MEGF8: variants seen among roughly 807,000 people sequenced by gnomAD.
MEGF8 encodes the protein multiple EGF like domains 8.
A neutral mutation model predicts 302.9 loss-of-function variants in MEGF8; 156 were observed. The ratio of observed to expected loss-of-function variants is 0.52; its 90% CI spans 0.45 to 0.59. MEGF8 has a LOEUF of 0.59. Among genes scored for constraint, MEGF8 ranks in the 20% least tolerant of loss-of-function variants. The pLI, the probability that MEGF8 is intolerant of heterozygous loss-of-function variation, is 0.00. For synonymous variants in MEGF8, 1,621 were observed against 1,660.5 expected, an observed-to-expected ratio of 0.98 and a Z score of 0.58; for missense variants, 3,345 against 3,964.5, an observed-to-expected ratio of 0.84 and a Z score of 4.20.
rs772693677 is a variant in MEGF8 at position 42,376,392 on chromosome 19, G to A, written c.8155G>A (p.Gly2719Arg). ...TAPASAWKPA[G>R]LPPPAFRRSE... ...CCCGGCCTCCGCCTGGAAGCCGGCT[G>A]GGCTCCCACCTCCCGCCTTCCGCCG... The change falls in exon 42 of 42, where the codon GGG becomes AGG. Residue 2719 changes from glycine to arginine, a missense_variant. Coordinates refer to ENST00000251268, the MANE Select transcript of MEGF8 (RefSeq NM_001271938.2). The surrounding 1 kb of genome is among the most constrained non-coding windows in gnomAD (Gnocchi z 8.2). 1.9e-6 allele frequency: 3 copies of A among 1,613,014 alleles called. No homozygotes were observed. Among genetic ancestry groups the A allele is most frequent in the Admixed American group, 3.3e-5 (2 of 60,012 alleles).
Position 42,376,340 on chromosome 19 carries a change from C to G in MEGF8, c.8103C>G (p.Thr2701=), listed in dbSNP as rs772567355. The change falls in exon 42 of 42, where the codon ACC becomes ACG. Residue 2701 remains threonine, a synonymous_variant. Transcript: ENST00000251268. The surrounding 1 kb of genome is among the most constrained non-coding windows in gnomAD (Gnocchi z 8.2). Reference sequence around the variant, plus strand: ...CCAGCCGCCCCTTCGCCAAGGTCACCGTCTGCTTCCCACCTGACCCTACTG... The same window carrying G: ...CCAGCCGCCCCTTCGCCAAGGTCACGGTCTGCTTCCCACCTGACCCTACTG... ...KMASRPFAKV[T]VCFPPDPTAP... The G allele has an allele frequency of 6.2e-7, 1 of 1,613,504 alleles. No homozygotes were observed. Among genetic ancestry groups the G allele is most frequent in the African/African-American group, 1.3e-5 (1 of 74,934 alleles).
At chr19:42,349,828 C>T (rs1236710526) in intron 14 of MEGF8, 129 bp downstream of exon 14, 7 of 948,046 alleles carry the variant, frequency 7.4e-6, no homozygotes, top group Non-Finnish European at 9.5e-6. Context: ...AACTCTTGGC[C>T]TCTGAACTCT....
chr19:42,356,831 C>T lies in MEGF8; in HGVS notation c.4680C>T (p.Gly1560=). ...TQMLAGAEDG[G]PGPSPRSFHA... is the part of the protein sequence containing the mutation. The stretch of plus-strand genomic sequence containing the variant: ...TGCTGGCGGGAGCCGAGGACGGGGG[C>T]CCAGGCCCATCGCCCCGCTCCTTCC... Residue 1560 remains glycine, a synonymous_variant, in exon 27 of 42, where the codon GGC becomes GGT. Coordinates refer to ENST00000251268, the MANE Select transcript of MEGF8 (RefSeq NM_001271938.2). This position sits in a 1 kb window ranked among gnomAD's most constrained non-coding sequence, Gnocchi z 5.2. 6.4e-7 allele frequency: 1 copy of T among 1,561,968 alleles called. No individual in the cohort carries two copies. Among genetic ancestry groups the T allele is most frequent in the South Asian group, 1.2e-5 (1 of 84,864 alleles).
rs752540472 is a variant in MEGF8 at position 42,358,181 on chromosome 19, C to T, written c.5049C>T (p.Thr1683=). 21 of 1,599,546 alleles carry T rather than the reference C, an allele frequency of 1.3e-5. No homozygotes were observed. Among genetic ancestry groups the T allele is most frequent in the East Asian group, 6.8e-5 (3 of 44,226 alleles). Residue 1683 remains threonine, a synonymous_variant, in exon 29 of 42, where the codon ACC becomes ACT. Coordinates refer to ENST00000251268, the MANE Select transcript of MEGF8 (RefSeq NM_001271938.2). This position sits in a 1 kb window ranked among gnomAD's most constrained non-coding sequence, Gnocchi z 4.4. ...ACTCTGCTGTCTACCACGAGGCCAC[C>T]GACTCCCTCTACGTGTTTGGGGGGT... The part of the protein sequence containing the change: ...YGHSAVYHEA[T]DSLYVFGGFR...
In MEGF8 at chr19:42,358,094, C is replaced by T; in HGVS notation, c.5012-50C>T. On this transcript the variant is annotated intron_variant, in intron 28 of 41. Transcript: ENST00000251268. The surrounding 1 kb of genome is among the most constrained non-coding windows in gnomAD (Gnocchi z 4.4). ...CAGGGGACCGGGAGGTCGGCGGGGT[C>T]AGTGCTGTTGTCAGCCCCTCCCCCA... 6.9e-7 allele frequency: 1 copy of T among 1,444,370 alleles called. No homozygotes were observed. Among genetic ancestry groups the T allele is most frequent in the Admixed American group, 3.0e-5 (1 of 33,294 alleles). The allele number at this position is 1,444,370 out of a possible 1,614,324, so 89.5% of individuals were successfully genotyped here. A position where few individuals can be genotyped will look rare whatever the true frequency, so the allele number is the denominator to read the frequency against.
intron 1 of MEGF8, among the ~76,000 whole-genome samples, chr19:42,329,961 G>A (rs1488395603): frequency 6.7e-6 from 1 of 149,354 alleles, no homozygotes; most frequent in Non-Finnish European, 1.5e-5. Context: ...TTTTTTTTCC[G>A]AGAGAGAATC....
At position 42,355,983 on chromosome 19, in the gene MEGF8, C is replaced by T. The variant is rs754429015; in HGVS notation, c.4370C>T (p.Thr1457Ile). 1.9e-5 allele frequency: 31 copies of T among 1,612,008 alleles called. No homozygotes were observed. Among genetic ancestry groups the T allele is most frequent in the Non-Finnish European group, 2.5e-5 (30 of 1,179,132 alleles). ...ALCPENCNAH[T>I]GAGTCNQSLG... Reference sequence around the variant, plus strand: ...TGTCCTGAGAACTGCAATGCCCACACTGGGGCAGGAACTTGTAACCAGGTA... The same window carrying T: ...TGTCCTGAGAACTGCAATGCCCACATTGGGGCAGGAACTTGTAACCAGGTA... The change falls in exon 24 of 42, where the codon ACT becomes ATT. Residue 1457 changes from threonine (T) to isoleucine (I), a missense_variant. Thr to Ile is a moderately conservative substitution (Grantham distance 89, BLOSUM62 -1). Transcript: ENST00000251268.
Position 42,369,110 on chromosome 19 carries a change from C to G in MEGF8, c.6641+108C>G. 7.1e-7 allele frequency: 1 copy of G among 1,404,010 alleles called. No homozygotes were observed. The highest frequency in any genetic ancestry group is 9.5e-7 in the Non-Finnish European group (1 of 1,047,548). 87.0% of individuals were successfully genotyped at this position (1,404,010 alleles called of 1,614,324 possible). On this transcript the variant is annotated intron_variant, in intron 37 of 41. Coordinates refer to ENST00000251268, the MANE Select transcript of MEGF8 (RefSeq NM_001271938.2). The surrounding 1 kb of genome is among the most constrained non-coding windows in gnomAD (Gnocchi z 5.7). Reference sequence around the variant, plus strand: ...AAGCAGGACAGAAGAAAAGAAAGCTCGAGGCATGAAGGCAGTGGGATTGAT... The same window carrying G: ...AAGCAGGACAGAAGAAAAGAAAGCTGGAGGCATGAAGGCAGTGGGATTGAT...
chr19:42,326,178 G>A lies in MEGF8; in HGVS notation c.-66G>A, dbSNP rs1044029305. 2 of 1,437,084 alleles carry A rather than the reference G, an allele frequency of 1.4e-6. No homozygotes were observed. The highest frequency in any genetic ancestry group is 3.0e-5 in the African/African-American group (2 of 66,984). The allele number at this position is 1,437,084 out of a possible 1,614,324, so 89.0% of individuals were successfully genotyped here. A position where few individuals can be genotyped will look rare whatever the true frequency, so the allele number is the denominator to read the frequency against. On this transcript the variant is annotated 5_prime_UTR_variant, in exon 1 of 42. Transcript: ENST00000251268. ...GTCGCATTTGCAGGGCCTCACCCCGGGTAGAGGGTCCTCTCCAGGTTTTTA... is the reference window on the plus strand; with the variant it reads ...GTCGCATTTGCAGGGCCTCACCCCGAGTAGAGGGTCCTCTCCAGGTTTTTA...
chr19:42,358,854 G>A lies in MEGF8; in HGVS notation c.5243G>A (p.Gly1748Glu), dbSNP rs1384865940. ...GLGQVPGEQPGSWGFREVRKK... is the reference protein window; with the variant it reads ...GLGQVPGEQPESWGFREVRKK... ...GGCCAAGTTCCTGGGGAGCAGCCTGGGTCATGGGGGTTCCGGGAAGTCAGG... is the reference window on the plus strand; with the variant it reads ...GGCCAAGTTCCTGGGGAGCAGCCTGAGTCATGGGGGTTCCGGGAAGTCAGG... Residue 1748 changes from glycine to glutamate, a missense_variant, in exon 30 of 42, where the codon GGG (glycine) becomes GAG (glutamate). Coordinates refer to ENST00000251268, the MANE Select transcript of MEGF8 (RefSeq NM_001271938.2). This position sits in a 1 kb window ranked among gnomAD's most constrained non-coding sequence, Gnocchi z 4.4. 7 of 1,609,002 alleles carry A rather than the reference G, an allele frequency of 4.4e-6. No homozygotes were observed. Among genetic ancestry groups the A allele is most frequent in the South Asian group, 1.1e-5 (1 of 89,918 alleles).
In MEGF8 at chr19:42,376,005, C is replaced by T. The variant is rs1455119271; in HGVS notation, c.7768C>T (p.Arg2590Cys). ...GGAGCCGTCGGCAGTGCTGGTGGTCCGCGGCGTGCGGGACCGGCTGGTCAT... is the reference window on the plus strand; with the variant it reads ...GGAGCCGTCGGCAGTGCTGGTGGTCTGCGGCGTGCGGGACCGGCTGGTCAT... ...VTEPSAVLVV[R>C]GVRDRLVITY... Residue 2590 changes from arginine to cysteine, a missense_variant, in exon 42 of 42, where the codon CGC (arginine) becomes TGC (cysteine). Coordinates refer to ENST00000251268, the MANE Select transcript of MEGF8 (RefSeq NM_001271938.2). This position sits in a 1 kb window ranked among gnomAD's most constrained non-coding sequence, Gnocchi z 8.2. 6 of 1,606,090 alleles carry T rather than the reference C, an allele frequency of 3.7e-6. No homozygotes were observed. Among genetic ancestry groups the T allele is most frequent in the South Asian group, 2.2e-5 (2 of 90,682 alleles).
intron 7 of MEGF8, 59 bp from the exon 8 acceptor site, chr19:42,337,025 A>C: frequency 6.2e-7 from 1 of 1,612,998 alleles, no homozygotes; most frequent in Non-Finnish European, 8.5e-7. Context: ...GGCTCCCTGC[A>C]GGGGAGTCCC....
intron 41 of MEGF8, among the ~76,000 whole-genome samples, chr19:42,373,933 G>A (rs1012481303): frequency 3.3e-5 from 5 of 151,896 alleles, no homozygotes; most frequent in Non-Finnish European, 7.4e-5. Context: ...GACTGGTCTC[G>A]AACTCCTGGG....
Position 42,366,349 on chromosome 19 carries a change from C to T in MEGF8, c.6274-2106C>T, listed in dbSNP as rs940196188. On this transcript the variant is annotated intron_variant, in intron 35 of 41. Coordinates refer to ENST00000251268, the MANE Select transcript of MEGF8 (RefSeq NM_001271938.2). The stretch of plus-strand genomic sequence containing the variant: ...CCAAGCATCTGGGACTATAGATGCA[C>T]GCCACCACACCTGGCTAATTTTTGT... Among the ~76,000 whole-genome samples, 6 of 152,206 alleles carry T rather than the reference C, an allele frequency of 3.9e-5. 1 individual carries two copies. The highest frequency in any genetic ancestry group is 2.0e-4 in the Admixed American group (3 of 15,288).
intron 31 of MEGF8, among the ~76,000 whole-genome samples, chr19:42,360,345 G>GTTT (rs1199801761): frequency 3.9e-5 from 5 of 127,478 alleles, no homozygotes; most frequent in Admixed American, 7.9e-5. Flanking sequence ...TGCTTCTGCT[G>GTTT]TTTTTTTTTT....
chr19:42,338,305 T>A (rs2039160902), intron 8 of MEGF8, among the ~76,000 whole-genome samples: 1 of 151,676 alleles, frequency 6.6e-6, no homozygotes, highest in Non-Finnish European at 1.5e-5. Flanking sequence ...AGTGGTGCAA[T>A]CTTGGCTCAC....
At chr19:42,359,067 C>A in intron 30 of MEGF8, 31 bp from the exon 31 acceptor site, 1 of 1,518,900 alleles carries the variant, frequency 6.6e-7, no homozygotes, top group South Asian at 1.2e-5. Flanking sequence ...GACAGGCTGT[C>A]CTGTCCCCCC....
rs922545861 is a variant in MEGF8 at position 42,357,289 on chromosome 19, G to A, written c.4831-115G>A. ...GGCTGGTCCGACTGGCCCTGGGGGG[G>A]TCATTCCCTCCTTAGTACTTCAGGG... On this transcript the variant is annotated intron_variant, in intron 27 of 41. Coordinates refer to ENST00000251268, the MANE Select transcript of MEGF8 (RefSeq NM_001271938.2). The surrounding 1 kb of genome is among the most constrained non-coding windows in gnomAD (Gnocchi z 5.2). 1 of 1,313,424 alleles carries A rather than the reference G, an allele frequency of 7.6e-7. No individual in the cohort carries two copies. Among genetic ancestry groups the A allele is most frequent in the Non-Finnish European group, 1.0e-6 (1 of 953,200 alleles). 81.4% of individuals were successfully genotyped at this position (1,313,424 alleles called of 1,614,324 possible).
chr19:42,338,567 C>T (rs2039165419), intron 8 of MEGF8, among the ~76,000 whole-genome samples: 1 of 151,998 alleles, frequency 6.6e-6, no homozygotes, highest in South Asian at 2.1e-4. Context: ...TTGATCCTCT[C>T]CCTCCTCCAA....
Sources: gnomAD v4.1 joint callset for allele counts (sites outside exome capture counted in the v4.1 genomes callset) on GRCh38, gnomAD v4.1.1 for gene constraint, Gnocchi (gnomAD v3.1) non-coding constraint, MANE v1.5 for transcripts, NCBI Gene and HGNC (gene_info 2026-07-23, HGNC 2026-07-21) for gene names.